NPTN: variants seen among roughly 807,000 people sequenced by gnomAD.
NPTN encodes SDR-1.
NPTN carries 5 observed loss-of-function variants against 42.7 expected under a neutral mutation model. The ratio of observed to expected loss-of-function variants is 0.12; its 90% confidence interval spans 0.06 to 0.25. The LOEUF (loss-of-function observed/expected upper bound fraction) is 0.25, where lower values mean the gene tolerates loss of function less well. NPTN is among the 10% of genes least tolerant of loss of function. The pLI, the probability that NPTN is intolerant of heterozygous loss-of-function variation, is 1.00. For missense variants in NPTN, 307 were observed against 525.4 expected, an observed-to-expected ratio of 0.58 and a Z score of 4.06; for synonymous variants, 180 against 201.9, an observed-to-expected ratio of 0.89 and a Z score of 0.92.
intron 1 of NPTN, among the ~76,000 whole-genome samples, chr15:73,618,118 A>G (rs1897951899): frequency 6.6e-6 from 1 of 152,198 alleles, no homozygotes; most frequent in Admixed American, 6.5e-5. Context: ...CTCACAATCA[A>G]TATTCATTAC....
intron 1 of NPTN, among the ~76,000 whole-genome samples, chr15:73,604,148 CA>C (rs1318801424): frequency 6.6e-6 from 1 of 151,328 alleles, no homozygotes; most frequent in Admixed American, 6.6e-5. Flanking sequence ...AAGTCAATGA[CA>C]AAAAAGAAAA....
chr15:73,623,357 G>A (rs1044048950), intron 1 of NPTN, among the ~76,000 whole-genome samples: 15 of 152,220 alleles, frequency 9.9e-5, no homozygotes, highest in Admixed American at 9.8e-4. Flanking sequence ...AATCATAGAA[G>A]TTTAGAGCTA....
intron 8 of NPTN, among the ~76,000 whole-genome samples, chr15:73,561,316 T>C (rs531840638): frequency 1.3e-5 from 2 of 152,158 alleles, no homozygotes; most frequent in African/African-American, 2.4e-5. Context: ...TGTAAAGATA[T>C]AATAGTAGTG....
chr15:73,580,508 T>C (rs937357410), intron 4 of NPTN, among the ~76,000 whole-genome samples: 1 of 131,616 alleles, frequency 7.6e-6, no homozygotes, highest in African/African-American at 3.1e-5. Context: ...AATATATATA[T>C]TATATATAAT....
intron 6 of NPTN, among the ~76,000 whole-genome samples, chr15:73,564,506 C>A (rs1463977879): frequency 6.6e-6 from 1 of 152,186 alleles, no homozygotes; most frequent in Non-Finnish European, 1.5e-5. Flanking sequence ...AACCACAAAC[C>A]AATGACTCAT....
chr15:73,567,628 CTT>C (rs142712563), intron 6 of NPTN: 1 of 985,380 alleles, frequency 1.0e-6, no homozygotes, highest in Non-Finnish European at 1.2e-6. Flanking sequence ...TCAACTTTTT[CTT>C]TTGTTTAATG....
intron 4 of NPTN, among the ~76,000 whole-genome samples, chr15:73,583,696 C>A (rs556744399): frequency 2.3e-4 from 35 of 152,208 alleles, no homozygotes; most frequent in Middle Eastern, 6.3e-3. Flanking sequence ...CAAGTCACAG[C>A]AATTCTGAGT....
chr15:73,593,070 T>C (rs1328568369), intron 2 of NPTN, among the ~76,000 whole-genome samples: 1 of 152,062 alleles, frequency 6.6e-6, no homozygotes, highest in African/African-American at 2.4e-5. Flanking sequence ...CTGGGCAAGG[T>C]ATATATACTT....
intron 5 of NPTN, among the ~76,000 whole-genome samples, chr15:73,571,231 C>T (rs1399317234): frequency 6.6e-6 from 1 of 152,132 alleles, no homozygotes; most frequent in African/African-American, 2.4e-5. Flanking sequence ...GCACTCCAGC[C>T]TGGTAGACAG....
intron 2 of NPTN, among the ~76,000 whole-genome samples, 172 bp downstream of exon 2, chr15:73,596,850 C>T (rs942098337): frequency 1.3e-5 from 2 of 151,228 alleles, no homozygotes; most frequent in Admixed American, 1.3e-4. Context: ...AAAAAGTTGC[C>T]ACAGATGTTT....
intron 3 of NPTN, 187 bp downstream of exon 3, chr15:73,591,779 T>A (rs781752306): frequency 2.8e-5 from 14 of 507,328 alleles, no homozygotes; most frequent in Non-Finnish European, 4.9e-5. Flanking sequence ...ATCTGGCTGC[T>A]CATTAGAATC....
At chr15:73,567,384 C>T (rs1407874141) in intron 6 of NPTN, 3 of 985,280 alleles carry the variant, frequency 3.0e-6, no homozygotes, top group Non-Finnish European at 1.2e-6. Flanking sequence ...AGATGGTTAT[C>T]TGATAGGTAA....
intron 1 of NPTN, among the ~76,000 whole-genome samples, chr15:73,626,108 C>T (rs2141478629): frequency 6.6e-6 from 1 of 152,286 alleles, no homozygotes; most frequent in Middle Eastern, 3.4e-3. Flanking sequence ...AGAAAACAAA[C>T]TTTCTCGAAA....
chr15:73,579,724 C>T (rs1196235967), intron 4 of NPTN, among the ~76,000 whole-genome samples: 1 of 152,100 alleles, frequency 6.6e-6, no homozygotes, highest in African/African-American at 2.4e-5. Context: ...GGCCGCCATA[C>T]TGGGGGACAC....
intron 1 of NPTN, among the ~76,000 whole-genome samples, chr15:73,629,910 GA>G (rs1338005696): frequency 1.3e-5 from 2 of 151,820 alleles, no homozygotes; most frequent in Non-Finnish European, 2.9e-5. Context: ...TTCCTCACCA[GA>G]ATTGGCAATT....
Position 73,560,274 on chromosome 15 carries a change from T to C in NPTN, c.*789A>G, listed in dbSNP as rs1321041648. On this transcript the variant is annotated 3_prime_UTR_variant, in exon 9 of 9. Coordinates refer to ENST00000345330, the MANE Select transcript of NPTN (RefSeq NM_012428.4). Reference sequence around the variant, plus strand: ...AGGTCATTGGAAACAAAAGAAAAATTATAAAAGTTTGCCTTGATTGAATGA... The same window carrying C: ...AGGTCATTGGAAACAAAAGAAAAATCATAAAAGTTTGCCTTGATTGAATGA... 1 of 165,762 alleles carries C rather than the reference T, an allele frequency of 6.0e-6. No individual in the cohort carries two copies. The highest frequency in any genetic ancestry group is 2.4e-5 in the African/African-American group (1 of 41,632). 10.3% of individuals were successfully genotyped at this position (165,762 alleles called of 1,614,324 possible).
intron 6 of NPTN, chr15:73,567,709 G>A (rs1895112739): frequency 2.0e-6 from 2 of 985,440 alleles, no homozygotes; most frequent in Non-Finnish European, 2.4e-6. Context: ...GAGAAAGACA[G>A]AAAGAGACAG....
intron 3 of NPTN, among the ~76,000 whole-genome samples, chr15:73,588,160 A>C (rs1457011390): frequency 6.6e-6 from 1 of 152,206 alleles, no homozygotes; most frequent in African/African-American, 2.4e-5. Context: ...GAATCACTTG[A>C]ACCCAGGCAG....
intron 1 of NPTN, chr15:73,599,581 T>G (rs1284341770): frequency 1.4e-5 from 2 of 145,194 alleles, no homozygotes; most frequent in African/African-American, 5.2e-5. Context: ...GCCACTGTAC[T>G]CTGCCCTGGG....
Sources: allele counts gnomAD v4.1 joint callset (sites outside exome capture counted in the v4.1 genomes callset), GRCh38; gene constraint gnomAD v4.1.1; transcripts MANE v1.5; gene names NCBI Gene and HGNC (gene_info 2026-07-23, HGNC 2026-07-21).